NALCN: variants seen among roughly 807,000 people sequenced by gnomAD.
NALCN encodes sodium leak channel NALCN.
Under a neutral mutation model 225.3 loss-of-function variants are expected in NALCN, and 111 were observed. The observed-to-expected ratio is 0.49, with a 90% CI of 0.42 to 0.58. The LOEUF (loss-of-function observed/expected upper bound fraction) is 0.58. Among genes scored for constraint, NALCN ranks in the 20% least tolerant of loss-of-function variants. The pLI, the probability that NALCN is intolerant of heterozygous loss-of-function variation, is 0.00. For synonymous variants in NALCN, 764 were observed against 769.0 expected (o/e 0.99, Z 0.11); for missense variants, 1,378 against 2,202.4 (o/e 0.63, Z 7.49).
chr13:101,065,606 G>T, intron 39 of NALCN, 45 bp from the exon 40 acceptor site: 1 of 1,582,636 alleles, frequency 6.3e-7, no homozygotes. Flanking sequence ...AGGCCTCGAT[G>T]ATTCACTTGG....
chr13:101,311,662 T>C (rs1446172109), intron 7 of NALCN, among the ~76,000 whole-genome samples: 1 of 152,152 alleles, frequency 6.6e-6, no homozygotes, highest in Non-Finnish European at 1.5e-5. Flanking sequence ...TGGATTACAT[T>C]TATTGATTTG....
In NALCN at chr13:101,083,820, A is replaced by C. The variant is rs2033790311; in HGVS notation, c.3490-16T>G. 6 of 1,610,852 alleles carry C rather than the reference A, an allele frequency of 3.7e-6. No individual in the cohort carries two copies. Among genetic ancestry groups the C allele is most frequent in the Non-Finnish European group, 5.1e-6 (6 of 1,178,180 alleles). On this transcript the variant is annotated splice_polypyrimidine_tract_variant and intron_variant, in intron 30 of 43. Transcript: ENST00000251127. ...AAGCCGTCCCCTTAACAGACAAAAG[A>C]AAGCAGGAAAAGGCCTTTTGTCATG...
chr13:101,406,121 C>A (rs933586883), intron 1 of NALCN, among the ~76,000 whole-genome samples: 1 of 148,176 alleles, frequency 6.7e-6, no homozygotes, highest in Admixed American at 6.8e-5. Flanking sequence ...TCGAGACCAG[C>A]CTGGGCAACA....
intron 2 of NALCN, among the ~76,000 whole-genome samples, chr13:101,396,075 A>G (rs2047283753): frequency 6.6e-6 from 1 of 152,212 alleles, no homozygotes; most frequent in South Asian, 2.1e-4. Flanking sequence ...AATTTAGCCC[A>G]GACATCTTTC....
intron 13 of NALCN, among the ~76,000 whole-genome samples, chr13:101,226,691 ACCACTG>A (rs1224742510): frequency 1.3e-5 from 2 of 151,942 alleles, no homozygotes; most frequent in Admixed American, 1.3e-4. Flanking sequence ...CCTCCCGGGG[ACCACTG>A]CCATCCCCAC....
At chr13:101,167,489 A>G (rs908162618) in intron 15 of NALCN, among the ~76,000 whole-genome samples, 16 of 152,170 alleles carry the variant, frequency 1.1e-4, no homozygotes, top group Non-Finnish European at 1.9e-4. Flanking sequence ...TAATTCCATC[A>G]TAAGTTGAGG....
intron 11 of NALCN, among the ~76,000 whole-genome samples, chr13:101,240,339 T>C (rs372838956): frequency 1.2e-4 from 18 of 150,416 alleles, no homozygotes; most frequent in East Asian, 1.9e-4. Flanking sequence ...CTATCTTTCT[T>C]TCTCTCTCTC....
chr13:101,327,872 G>A (rs1047755243), intron 7 of NALCN, among the ~76,000 whole-genome samples: 1 of 152,150 alleles, frequency 6.6e-6, no homozygotes, highest in African/African-American at 2.4e-5. Context: ...CTAGTCTGGG[G>A]GTTGGCTAAC....
chr13:101,350,087 GC>G (rs2045865527), intron 6 of NALCN, among the ~76,000 whole-genome samples: 1 of 151,930 alleles, frequency 6.6e-6, no homozygotes, highest in African/African-American at 2.4e-5. Context: ...CTCTTATCTG[GC>G]CTCCTCACTG....
chr13:101,090,657 G>C (rs1293314307), intron 28 of NALCN, among the ~76,000 whole-genome samples: 2 of 152,074 alleles, frequency 1.3e-5, no homozygotes, highest in Non-Finnish European at 2.9e-5. Flanking sequence ...TTTATGGGTG[G>C]TATGCTTTCT....
At chr13:101,400,802 C>A (rs895441083) in intron 1 of NALCN, among the ~76,000 whole-genome samples, 3 of 152,002 alleles carry the variant, frequency 2.0e-5, no homozygotes, top group Non-Finnish European at 2.9e-5. Context: ...GAATTATAAT[C>A]CCCACAATCC....
chr13:101,402,255 A>G (rs1483752020), intron 1 of NALCN, among the ~76,000 whole-genome samples: 2 of 152,238 alleles, frequency 1.3e-5, no homozygotes, highest in African/African-American at 4.8e-5. Context: ...TATTAAAAGT[A>G]GTTGGTATTT....
At chr13:101,301,954 A>G (rs1412766572) in intron 7 of NALCN, among the ~76,000 whole-genome samples, 1 of 152,168 alleles carries the variant, frequency 6.6e-6, no homozygotes, top group Non-Finnish European at 1.5e-5. Context: ...CAATTGTCCT[A>G]AAGAGTACAC....
At chr13:101,290,073 C>A (rs1449542937) in intron 9 of NALCN, among the ~76,000 whole-genome samples, 1 of 152,150 alleles carries the variant, frequency 6.6e-6, no homozygotes, top group Non-Finnish European at 1.5e-5. Flanking sequence ...GTATGATTAC[C>A]ACTGCTGAAT....
At chr13:101,296,683 T>G (rs1372690453) in intron 7 of NALCN, among the ~76,000 whole-genome samples, 1 of 152,224 alleles carries the variant, frequency 6.6e-6, no homozygotes, top group African/African-American at 2.4e-5. Flanking sequence ...ACGCATTAAT[T>G]TTTTAGAGAA....
chr13:101,103,433 C>T, intron 25 of NALCN, 94 bp from the exon 26 acceptor site: 1 of 1,407,768 alleles, frequency 7.1e-7, no homozygotes, highest in East Asian at 2.4e-5. Context: ...TTTCATTTAG[C>T]AGAGATTCCA....
At chr13:101,271,919 CTGTG>C (rs1042760513) in intron 10 of NALCN, among the ~76,000 whole-genome samples, 5 of 149,050 alleles carry the variant, frequency 3.4e-5, no homozygotes, top group Admixed American at 1.3e-4. Flanking sequence ...TTGTGTGTCA[CTGTG>C]TGTATGTACG....
chr13:101,192,085 C>G, intron 13 of NALCN, 31 bp from the exon 14 acceptor site: 1 of 1,575,000 alleles, frequency 6.3e-7, no homozygotes, highest in Non-Finnish European at 8.6e-7. Flanking sequence ...GTATTACACA[C>G]TAGCTTTAGG....
intron 34 of NALCN, among the ~76,000 whole-genome samples, chr13:101,081,155 G>A (rs2139506292): frequency 6.6e-6 from 1 of 152,334 alleles, no homozygotes; most frequent in Admixed American, 6.5e-5. Context: ...CAGGACTATA[G>A]TCTTCTGATA....
Sources: gnomAD v4.1 joint callset for allele counts (sites outside exome capture counted in the v4.1 genomes callset) on GRCh38, gnomAD v4.1.1 for gene constraint, MANE v1.5 for transcripts, NCBI Gene and HGNC (gene_info 2026-07-23, HGNC 2026-07-21) for gene names.